NDP: variants seen among roughly 807,000 people sequenced by gnomAD.
The protein encoded by NDP is norrin cystine knot growth factor NDP, also known as norrin.
Under a neutral mutation model 8.4 loss-of-function variants are expected in NDP, and 2 were observed. The observed-to-expected ratio is 0.24, with a 90% confidence interval of 0.10 to 0.75. The LOEUF (loss-of-function observed/expected upper bound fraction) is 0.75, where lower values mean the gene tolerates loss of function less well. NDP is among the 30% of genes least tolerant of loss of function. The pLI, the probability that NDP is intolerant of heterozygous loss-of-function variation, is 0.73. For missense variants in NDP, 81 were observed against 110.1 expected (o/e 0.74, Z 1.18); for synonymous variants, 55 against 45.6 (o/e 1.21, Z -0.83).
intron 2 of NDP, 65 bp from the exon 3 acceptor site, chrX:43,950,091 A>G (rs1462936223): frequency 4.1e-6 from 4 of 985,743 alleles, no homozygotes; most frequent in Non-Finnish European, 1.4e-6. Context: ...GTAAAACAGC[A>G]TCTTTTGAAA....
Position 43,958,544 on chromosome X carries a change from C to T in NDP, c.102G>A (p.Ser34=), listed in dbSNP as rs779934385. 3.3e-6 allele frequency: 4 copies of T among 1,211,427 alleles called. No homozygotes were observed. The highest frequency in any genetic ancestry group is 4.3e-5 in the Admixed American group (2 of 46,088). ...GGTGCCTCATGCAGCGTCGAGGGTCCGAGTCCATTATGAATGAGCTGTCCG... is the reference window on the plus strand; with the variant it reads ...GGTGCCTCATGCAGCGTCGAGGGTCTGAGTCCATTATGAATGAGCTGTCCG... ...SKTDSSFIMD[S]DPRRCMRHHY... is the part of the protein sequence containing the mutation. Residue 34 remains serine (S), a synonymous_variant, in exon 2 of 3, where the codon TCG becomes TCA. Transcript: ENST00000642620.
chrX:43,950,534 A>C (rs2035755907), intron 2 of NDP, among the ~76,000 whole-genome samples: 1 of 111,041 alleles, frequency 9.0e-6, no homozygotes, highest in Non-Finnish European at 1.9e-5. Flanking sequence ...TCTGAATAAG[A>C]AAATAGGATA....
chrX:43,952,526 A>T (rs1481274272), intron 2 of NDP, among the ~76,000 whole-genome samples: 1 of 112,232 alleles, frequency 8.9e-6, no homozygotes, highest in Admixed American at 9.4e-5. Context: ...ACACAGGTGA[A>T]CCAAACGTAG....
At chrX:43,969,525 T>A (rs888607432) in intron 1 of NDP, 1 of 112,459 alleles carries the variant, frequency 8.9e-6, no homozygotes, top group African/African-American at 3.2e-5. Context: ...GATGTTCGGG[T>A]CACTGTGATG....
chrX:43,958,735 C>G lies in NDP; in HGVS notation c.-90G>C, dbSNP rs1418493475. ...GGCTTCACCTCCTAGGATCCAGTCC[C>G]GTTCAAGGAAAGGGCAGGATCGGGC... On this transcript the variant is annotated 5_prime_UTR_variant, in exon 2 of 3. Coordinates refer to ENST00000642620, the MANE Select transcript of NDP (RefSeq NM_000266.4). 9.8e-6 allele frequency: 8 copies of G among 814,780 alleles called. No homozygotes were observed. The highest frequency in any genetic ancestry group is 4.0e-5 in the African/African-American group (2 of 49,902). 67.1% of individuals were successfully genotyped at this position (814,780 alleles called of 1,213,427 possible).
In NDP at chrX:43,949,793, CG is replaced by C; in HGVS notation, c.*5del. 1.7e-6 allele frequency: 2 copies of C among 1,167,144 alleles called. No homozygotes were observed. Among genetic ancestry groups the C allele is most frequent in the South Asian group, 3.8e-5 (2 of 52,786 alleles). On this transcript the variant is annotated 3_prime_UTR_variant, in exon 3 of 3. Coordinates refer to ENST00000642620, the MANE Select transcript of NDP (RefSeq NM_000266.4). ...CCCATCCAGAAGCCACACACAGCAG[CG>C]GGCCTCAGGAATTGCATTCCTCGCA...
intron 2 of NDP, 62 bp from the exon 3 acceptor site, chrX:43,950,088 A>G: frequency 2.9e-6 from 3 of 1,021,799 alleles, no homozygotes; most frequent in Non-Finnish European, 4.1e-6. Flanking sequence ...CAGGTAAAAC[A>G]GCATCTTTTG....
intron 1 of NDP, chrX:43,969,733 G>A (rs1265405876): frequency 8.9e-6 from 1 of 112,092 alleles, no homozygotes; most frequent in Non-Finnish European, 1.9e-5. Flanking sequence ...AGATCCCATG[G>A]GCTGTTCTCC....
At chrX:43,960,112 C>T (rs1362002956) in intron 1 of NDP, among the ~76,000 whole-genome samples, 4 of 104,005 alleles carry the variant, frequency 3.8e-5, no homozygotes, top group Admixed American at 3.1e-4. Flanking sequence ...AGGGCTGTTT[C>T]AGAGCACAGA....
chrX:43,949,940 T>C lies in NDP; in HGVS notation c.261A>G (p.Gln87=). Reference sequence around the variant, plus strand: ...AGCAGTGACAGGAGGAACGGAAGGGTTGCTTGAGGACAGTGCTGAACGACA... The same window carrying C: ...AGCAGTGACAGGAGGAACGGAAGGGCTGCTTGAGGACAGTGCTGAACGACA... ...PLVSFSTVLK[Q]PFRSSCHCCR... Residue 87 remains glutamine (Q), a synonymous_variant, in exon 3 of 3, where the codon CAA becomes CAG. Transcript: ENST00000642620. The C allele has an allele frequency of 8.3e-7, 1 of 1,206,696 alleles. No individual in the cohort carries two copies. The highest frequency in any genetic ancestry group is 1.8e-5 in the South Asian group (1 of 55,912).
At chrX:43,960,109 T>C (rs1439961297) in intron 1 of NDP, among the ~76,000 whole-genome samples, 1 of 105,264 alleles carries the variant, frequency 9.5e-6, no homozygotes, top group African/African-American at 3.5e-5. Flanking sequence ...GATAGGGCTG[T>C]TTCAGAGCAC....
At chrX:43,962,242 G>T (rs1262473037) in intron 1 of NDP, among the ~76,000 whole-genome samples, 1 of 108,112 alleles carries the variant, frequency 9.2e-6, no homozygotes, top group African/African-American at 3.3e-5. Flanking sequence ...AAAACAAAAA[G>T]GTAAGATTCT....
intron 2 of NDP, chrX:43,953,519 G>A (rs1456930912): frequency 8.9e-6 from 1 of 112,443 alleles, no homozygotes. Context: ...CAGGTCTCTG[G>A]ACCCATTCAA....
Position 43,949,066 on chromosome X carries a change from T to C in NDP, c.*733A>G, listed in dbSNP as rs2035745356. The C allele has an allele frequency of 8.8e-6, 1 of 113,332 alleles. No homozygotes were observed. The highest frequency in any genetic ancestry group is 1.8e-5 in the Non-Finnish European group (1 of 54,062). The allele number at this position is 113,332 out of a possible 1,213,427, so 9.3% of individuals were successfully genotyped here. On this transcript the variant is annotated 3_prime_UTR_variant, in exon 3 of 3. Coordinates refer to ENST00000642620, the MANE Select transcript of NDP (RefSeq NM_000266.4). ...TTTTCCAGAGTCAGTGCAGGATCCG[T>C]ATTTGTGCAAGTCTTTAAAAGTCTG...
intron 1 of NDP, among the ~76,000 whole-genome samples, chrX:43,969,896 A>G (rs919384872): frequency 2.4e-4 from 27 of 112,115 alleles, no homozygotes; most frequent in Admixed American, 1.1e-3. Flanking sequence ...GGAAGATTCC[A>G]GGACTGGCGG....
At chrX:43,960,586 C>T (rs765615216) in intron 1 of NDP, among the ~76,000 whole-genome samples, 1 of 112,256 alleles carries the variant, frequency 8.9e-6, no homozygotes, top group African/African-American at 3.2e-5. Context: ...TTTTCCTATA[C>T]ACGTTACCCT....
intron 1 of NDP, chrX:43,966,613 G>A (rs1212543506): frequency 9.0e-6 from 1 of 111,539 alleles, no homozygotes; most frequent in African/African-American, 3.3e-5. Context: ...CTGTGGAAAA[G>A]AAAAGGTGCC....
In NDP at chrX:43,950,011, T is replaced by G. The variant is rs1388699868; in HGVS notation, c.190A>C (p.Arg64=). ...GCCTGGCTGCAGTGCCCCTCGCACC[T>G]GGCCAGGAGCACCATCTGGGGAAAG... ...KCSSKMVLLA[R]CEGHCSQASR... is the part of the protein sequence containing the mutation. The change falls in exon 3 of 3, where the codon AGG becomes CGG. Residue 64 remains arginine (R), a synonymous_variant. Coordinates refer to ENST00000642620, the MANE Select transcript of NDP (RefSeq NM_000266.4). 2 of 1,202,419 alleles carry G rather than the reference T, an allele frequency of 1.7e-6. No homozygotes were observed. Among genetic ancestry groups the G allele is most frequent in the South Asian group, 3.6e-5 (2 of 55,260 alleles).
chrX:43,968,404 A>T (rs2035870777), intron 1 of NDP, among the ~76,000 whole-genome samples: 1 of 112,551 alleles, frequency 8.9e-6, no homozygotes, highest in Admixed American at 9.3e-5. Context: ...TCAACAACTC[A>T]ACTGTGTGGG....
Sources: gnomAD v4.1 joint callset for allele counts (sites outside exome capture counted in the v4.1 genomes callset) on GRCh38, gnomAD v4.1.1 for gene constraint, MANE v1.5 for transcripts, NCBI Gene and HGNC (gene_info 2026-07-23, HGNC 2026-07-21) for gene names.